Variants in SLC11A2 observed in about 807,000 individuals in gnomAD.
The protein encoded by SLC11A2 is natural resistance-associated macrophage protein 2.
Under a neutral mutation model 68.0 loss-of-function variants are expected in SLC11A2, and 38 were observed. The ratio of observed to expected loss-of-function variants is 0.56; its 90% CI spans 0.43 to 0.73. The LOEUF (loss-of-function observed/expected upper bound fraction) is 0.73. Ranked by LOEUF, SLC11A2 falls within the 30% of genes least tolerant of loss-of-function variation. The probability of loss-of-function intolerance (pLI) is 0.00; values close to 1 mark genes in which losing one functional copy is unlikely to be tolerated. For synonymous variants in SLC11A2, 242 were observed against 250.6 expected (o/e 0.97, Z 0.32); for missense variants, 517 against 690.5 (o/e 0.75, Z 2.82).
intron 13 of SLC11A2, 85 bp downstream of exon 13, chr12:50,992,105 C>A (rs186485630): frequency 1.5e-6 from 2 of 1,323,290 alleles, no homozygotes; most frequent in African/African-American, 2.9e-5. Flanking sequence ...AATATCCCCC[C>A]AGCACTCAGC....
chr12:50,959,583 GTTATAC>G, the SLC11A2 span, among the ~76,000 whole-genome samples: 1 of 152,030 alleles, frequency 6.6e-6, no homozygotes, highest in African/African-American at 2.4e-5. Context: ...ATACCAATAA[GTTATAC>G]TTATGGCATT....
chr12:51,027,600 A>C (rs1308822347), upstream of SLC11A2, among the ~76,000 whole-genome samples: 1 of 152,046 alleles, frequency 6.6e-6, no homozygotes, highest in Non-Finnish European at 1.5e-5. Flanking sequence ...TTTCAGCCTC[A>C]CACCGTATCT....
chr12:50,993,097 C>A (rs973099473), intron 11 of SLC11A2, 168 bp from the exon 12 acceptor site: 120 of 715,296 alleles, frequency 1.7e-4, no homozygotes, highest in Middle Eastern at 1.1e-3. Flanking sequence ...GACCTCATTC[C>A]AGAAGCTTTC....
chr12:50,968,209 G>A, the SLC11A2 span, among the ~76,000 whole-genome samples: 2 of 152,170 alleles, frequency 1.3e-5, no homozygotes, highest in South Asian at 2.1e-4. Context: ...CAGTTTATGC[G>A]AAGCTGTTGC....
the SLC11A2 span, among the ~76,000 whole-genome samples, chr12:50,969,536 C>G: frequency 6.6e-6 from 1 of 151,810 alleles, no homozygotes; most frequent in Non-Finnish European, 1.5e-5. Flanking sequence ...GCTGTCTGTA[C>G]TAAAAATACA....
the SLC11A2 span, chr12:50,961,013 TA>T: frequency 6.2e-7 from 1 of 1,610,418 alleles, no homozygotes; most frequent in Non-Finnish European, 8.5e-7. Flanking sequence ...CTTTACAAGC[TA>T]AAGTACAGAA....
intron 3 of SLC11A2, among the ~76,000 whole-genome samples, chr12:51,007,469 G>A (rs945051596): frequency 1.3e-5 from 2 of 151,858 alleles, no homozygotes; most frequent in Non-Finnish European, 2.9e-5. Flanking sequence ...CGAGTAGCTG[G>A]GATTACAGGC....
intron 15 of SLC11A2, among the ~76,000 whole-genome samples, chr12:50,990,200 G>C (rs1423684457): frequency 2.6e-5 from 4 of 152,136 alleles, no homozygotes; most frequent in Admixed American, 6.6e-5. Flanking sequence ...GAGTCAAGGG[G>C]AGACTATCAC....
At chr12:50,984,805 A>T (rs141514450), downstream of SLC11A2, among the ~76,000 whole-genome samples, 1 of 152,310 alleles carries the variant, frequency 6.6e-6, no homozygotes, top group Admixed American at 6.5e-5. Flanking sequence ...CCTAATGCAT[A>T]TTCTAGCACT....
intron 5 of SLC11A2, among the ~76,000 whole-genome samples, chr12:51,001,714 G>C (rs1395017563): frequency 1.3e-5 from 2 of 151,394 alleles, no homozygotes; most frequent in African/African-American, 4.9e-5. Flanking sequence ...TACACCTGTA[G>C]TCCCAACTAC....
Position 51,008,593 on chromosome 12 carries a change from G to A in SLC11A2, c.66C>T (p.Ala22=). 6.2e-7 allele frequency: 1 copy of A among 1,612,818 alleles called. No homozygotes were observed. Residue 22 remains alanine, a synonymous_variant, in exon 3 of 16, where the codon GCC becomes GCT. Coordinates refer to ENST00000262052, the MANE Select transcript of SLC11A2 (RefSeq NM_000617.3). ...AGGCAGGGTTGATGTTACCAAGACT[G>A]GCAGACTCCCCATGATCTCCAGAAA... ...DSVSGDHGES[A]SLGNINPAYS...
chr12:50,972,716 A>G, the SLC11A2 span, among the ~76,000 whole-genome samples: 2 of 152,266 alleles, frequency 1.3e-5, no homozygotes, highest in African/African-American at 2.4e-5. Flanking sequence ...GGGAACCACA[A>G]GGAGTCAGAG....
At chr12:50,983,819 T>C (rs1490060070), downstream of SLC11A2, among the ~76,000 whole-genome samples, 1 of 151,902 alleles carries the variant, frequency 6.6e-6, no homozygotes, top group Admixed American at 6.6e-5. Flanking sequence ...AATACAAAAA[T>C]TAGCTGGCCT....
chr12:50,999,240 G>C lies in SLC11A2; in HGVS notation c.609C>G (p.Gly203=), dbSNP rs1045163212. The change falls in exon 8 of 16, where the codon GGC becomes GGG. Residue 203 remains glycine (G), a splice_region_variant and synonymous_variant. Transcript: ENST00000262052. The part of the protein sequence containing the change: ...TFVFLFLDKY[G]LRKLEAFFGF... ...CAAAAAATGCTTCTAGCTTCCGCAA[G>C]CCTAAAGGAAAAAAGGCAGCAGTGA... 6.2e-7 allele frequency: 1 copy of C among 1,614,126 alleles called. No homozygotes were observed. The highest frequency in any genetic ancestry group is 1.7e-5 in the Admixed American group (1 of 60,004).
At chr12:50,973,053 C>A in the SLC11A2 span, among the ~76,000 whole-genome samples, 54 of 152,306 alleles carry the variant, frequency 3.5e-4, 1 homozygote, top group South Asian at 3.5e-3. Flanking sequence ...TCTGTAGACT[C>A]CACCTCTGGG....
chr12:51,009,008 A>C, intron 2 of SLC11A2: 1 of 724,350 alleles, frequency 1.4e-6, no homozygotes. Flanking sequence ...TCAAAATATC[A>C]TATTCCCAGA....
At chr12:51,018,417 A>G (rs988619175) in intron 1 of SLC11A2, among the ~76,000 whole-genome samples, 2 of 151,100 alleles carry the variant, frequency 1.3e-5, no homozygotes, top group Non-Finnish European at 3.0e-5. Context: ...AAAACACAAA[A>G]CAGAAAACTG....
intron 1 of SLC11A2, among the ~76,000 whole-genome samples, chr12:51,012,149 G>A (rs1485345426): frequency 6.6e-6 from 1 of 152,172 alleles, no homozygotes; most frequent in Non-Finnish European, 1.5e-5. Context: ...GCAGGATTAA[G>A]CATAGCGTGT....
intron 9 of SLC11A2, among the ~76,000 whole-genome samples, chr12:50,996,418 T>A (rs941233106): frequency 6.6e-6 from 1 of 151,766 alleles, no homozygotes; most frequent in Non-Finnish European, 1.5e-5. Flanking sequence ...CTACTAAAAA[T>A]AGAAAAATTA....
Sources: gnomAD v4.1 joint callset for allele counts (sites outside exome capture counted in the v4.1 genomes callset) on GRCh38, gnomAD v4.1.1 for gene constraint, MANE v1.5 for transcripts, NCBI Gene and HGNC (gene_info 2026-07-23, HGNC 2026-07-21) for gene names.